The following OMA1 variants were observed in gnomAD, a reference collection of about 807,000 sequenced individuals.
OMA1 encodes the protein metalloendopeptidase OMA1, mitochondrial.
OMA1 carries 38 observed loss-of-function variants against 30.9 expected under a neutral mutation model. The ratio of observed to expected loss-of-function variants is 1.23; its 90% CI spans 0.95 to 1.61. The LOEUF is 1.61. Among genes scored for constraint, OMA1 ranks in the 40% most tolerant of loss-of-function variants. The pLI, the probability that OMA1 is intolerant of heterozygous loss-of-function variation, is 0.00. For missense variants in OMA1, 461 were observed against 349.2 expected (o/e 1.32, Z -2.55); for synonymous variants, 173 against 121.9 (o/e 1.42, Z -2.76).
intron 7 of OMA1, among the ~76,000 whole-genome samples, chr1:58,515,954 T>C (rs552235231): frequency 1.3e-5 from 2 of 152,338 alleles, no homozygotes; most frequent in Admixed American, 1.3e-4. Flanking sequence ...ATTTCTGTGA[T>C]GAAAAATAGA....
chr1:58,484,676 C>T (rs1293391895), intron 8 of OMA1, among the ~76,000 whole-genome samples: 2 of 151,908 alleles, frequency 1.3e-5, no homozygotes, highest in African/African-American at 4.8e-5. Flanking sequence ...AGATTTCCTT[C>T]GATAGGTGAA....
At chr1:58,531,388 A>G (rs1646431738) in intron 5 of OMA1, among the ~76,000 whole-genome samples, 1 of 152,158 alleles carries the variant, frequency 6.6e-6, no homozygotes, top group African/African-American at 2.4e-5. Flanking sequence ...GGTTCTATGA[A>G]TTTTTGTATT....
At chr1:58,540,462 G>A (rs1428792383) in intron 1 of OMA1, among the ~76,000 whole-genome samples, 1 of 151,688 alleles carries the variant, frequency 6.6e-6, no homozygotes, top group Non-Finnish European at 1.5e-5. Context: ...TAGTAGATAA[G>A]GATATTAGTT....
chr1:58,508,827 G>C (rs1423934502), intron 7 of OMA1, among the ~76,000 whole-genome samples: 1 of 152,114 alleles, frequency 6.6e-6, no homozygotes, highest in Non-Finnish European at 1.5e-5. Flanking sequence ...CCAGAGCCCA[G>C]CTTCTCCTGG....
rs772661930 is a variant in OMA1 at position 58,536,675 on chromosome 1, C to T, written c.567G>A (p.Arg189=). ...CAAGGAATAGCTTCCATTTATTCTT[C>T]CTTATATTTTCTTTAACTACTTCCT... The part of the protein sequence containing the change: ...NKKEVVKENI[R]KNKWKLFLGL... The change falls in exon 3 of 9, where the codon AGG becomes AGA. Residue 189 remains arginine, a synonymous_variant. Transcript: ENST00000371226. 5 of 872,658 alleles carry T rather than the reference C, an allele frequency of 5.7e-6. No individual in the cohort carries two copies. In the African/African-American group the frequency reaches 8.2e-5, roughly 14 times the overall value. 54.1% of individuals were successfully genotyped at this position (872,658 alleles called of 1,614,324 possible).
intron 1 of OMA1, among the ~76,000 whole-genome samples, chr1:58,543,255 T>G (rs1056365255): frequency 6.6e-6 from 1 of 152,248 alleles, no homozygotes; most frequent in African/African-American, 2.4e-5. Context: ...TATACATTTG[T>G]TTTTGTAAAT....
In OMA1 at chr1:58,536,664, C is replaced by T. The variant is rs768919617; in HGVS notation, c.578G>A (p.Trp193Ter). 1.1e-6 allele frequency: 1 copy of T among 872,746 alleles called. No individual in the cohort carries two copies. The highest frequency in any genetic ancestry group is 2.0e-6 in the Non-Finnish European group (1 of 501,582). 54.1% of individuals were successfully genotyped at this position (872,746 alleles called of 1,614,324 possible). ...VVKENIRKNK[W>*]KLFLGLSSFG... ...ACTACTCAAACCAAGGAATAGCTTCCATTTATTCTTCCTTATATTTTCTTT... is the reference window on the plus strand; with the variant it reads ...ACTACTCAAACCAAGGAATAGCTTCTATTTATTCTTCCTTATATTTTCTTT... The change falls in exon 3 of 9, where the codon TGG (tryptophan) becomes TAG (stop). Residue 193 changes from tryptophan (W) to a stop codon, truncating the protein, a stop_gained. Transcript: ENST00000371226. LOFTEE classifies it high-confidence loss of function.
chr1:58,491,289 G>A (rs1334466539), intron 8 of OMA1, among the ~76,000 whole-genome samples: 6 of 152,014 alleles, frequency 3.9e-5, no homozygotes, highest in African/African-American at 7.3e-5. Flanking sequence ...AGGAACAACC[G>A]GTACCAGCCG....
chr1:58,521,629 A>G (rs533924293), intron 7 of OMA1, among the ~76,000 whole-genome samples: 12 of 152,236 alleles, frequency 7.9e-5, no homozygotes, highest in African/African-American at 2.2e-4. Flanking sequence ...TTAAAATATA[A>G]TAAGAGTATA....
Position 58,528,648 on chromosome 1 carries a change from A to C in OMA1, c.1141-1313T>G, listed in dbSNP as rs929492755. Among the ~76,000 whole-genome samples the C allele has an allele frequency of 5.3e-5, 8 of 152,180 alleles. No homozygotes were observed. In the South Asian group the frequency reaches 8.3e-4, roughly 16 times the overall value. On this transcript the variant is annotated intron_variant, in intron 6 of 8. Transcript: ENST00000371226. ...CAGGACAACTCCCCCACAACAAAGA[A>C]TTATCCAGTCCAAAGTGTGAGTAGT... is the stretch of plus-strand genomic sequence containing the variant.
In OMA1 at chr1:58,523,557, T is replaced by G. The variant is rs549709543; in HGVS notation, c.1215+3704A>C. Among the ~76,000 whole-genome samples the G allele has an allele frequency of 2.6e-4, 40 of 152,238 alleles. No homozygotes were observed. In the East Asian group the frequency reaches 6.4e-3, roughly 24 times the overall value. On this transcript the variant is annotated intron_variant, in intron 7 of 8. Transcript: ENST00000371226. ...TAGACCATTTGGACGCCTTCAGTGT[T>G]GAACTCATGGGGTTCCAGGTGACCA...
intron 8 of OMA1, among the ~76,000 whole-genome samples, chr1:58,504,292 C>A (rs1645952346): frequency 6.6e-6 from 1 of 152,172 alleles, no homozygotes; most frequent in South Asian, 2.1e-4. Flanking sequence ...GCCCCAATGT[C>A]TTCCTTGCTA....
Position 58,545,698 on chromosome 1 carries a change from C to G in OMA1, c.-17+1005G>C, listed in dbSNP as rs888614356. Among the ~76,000 whole-genome samples, 4 of 152,218 alleles carry G rather than the reference C, an allele frequency of 2.6e-5. No homozygotes were observed. The East Asian group carries it at 7.7e-4, about 29-fold the overall frequency. ...CATCTCCGAATGAGCAAGTGCAGCA[C>G]TCACTGGCACTCACAGCTGAAGCCT... On this transcript the variant is annotated intron_variant, in intron 1 of 8. Transcript: ENST00000371226.
At chr1:58,512,664 C>A (rs57318433) in intron 7 of OMA1, among the ~76,000 whole-genome samples, 2,502 of 152,196 alleles carry the variant, frequency 0.016, 54 homozygotes, top group East Asian at 0.12. Flanking sequence ...AAATACGAGA[C>A]GATTCCACTT....
chr1:58,492,215 A>G (rs923598477), intron 8 of OMA1, among the ~76,000 whole-genome samples: 3 of 152,240 alleles, frequency 2.0e-5, no homozygotes, highest in African/African-American at 7.2e-5. Flanking sequence ...TTTGAAACCA[A>G]CGAGAACAAA....
chr1:58,531,246 A>C (rs1646429827), intron 5 of OMA1, among the ~76,000 whole-genome samples: 1 of 152,224 alleles, frequency 6.6e-6, no homozygotes, highest in South Asian at 2.1e-4. Context: ...TAAAACAAGA[A>C]AAAATTCAGA....
chr1:58,535,535 G>T (rs950894736), intron 3 of OMA1, among the ~76,000 whole-genome samples: 2 of 148,420 alleles, frequency 1.3e-5, no homozygotes, highest in East Asian at 4.0e-4. Flanking sequence ...GGTGGAGGTT[G>T]CAGTGAGCCA....
chr1:58,546,012 G>C (rs1646697118), intron 1 of OMA1, among the ~76,000 whole-genome samples: 1 of 152,174 alleles, frequency 6.6e-6, no homozygotes, highest in Non-Finnish European at 1.5e-5. Context: ...TGCCAAATAA[G>C]GGATTTTCAT....
intron 5 of OMA1, among the ~76,000 whole-genome samples, chr1:58,531,555 C>G (rs1646433671): frequency 6.6e-6 from 1 of 152,118 alleles, no homozygotes; most frequent in Non-Finnish European, 1.5e-5. Flanking sequence ...GCAGTCATTA[C>G]TTGAATGTAT....
Sources: gnomAD v4.1 joint callset for allele counts (sites outside exome capture counted in the v4.1 genomes callset) on GRCh38, gnomAD v4.1.1 for gene constraint, MANE v1.5 for transcripts, NCBI Gene and HGNC (gene_info 2026-07-23, HGNC 2026-07-21) for gene names.